The following PRRX2 variants were observed in gnomAD, a reference collection of about 807,000 sequenced individuals.
PRRX2 encodes paired related homeobox 2, also known as paired mesoderm homeobox protein 2.
PRRX2 carries 11 observed loss-of-function variants against 18.0 expected under a neutral mutation model. The ratio of observed to expected loss-of-function variants is 0.61; its 90% CI spans 0.39 to 1.01. PRRX2 has a LOEUF of 1.01. Ranked by LOEUF, PRRX2 falls within the 50% of genes least tolerant of loss-of-function variation. PRRX2 has a pLI of 0.01. For synonymous variants in PRRX2, 177 were observed against 154.8 expected (o/e 1.14, Z -1.06); for missense variants, 387 against 351.0 (o/e 1.10, Z -0.82).
In PRRX2 at chr9:129,709,604, C is replaced by T. The variant is rs1166946421; in HGVS notation, c.260-9627C>T. Among the ~76,000 whole-genome samples the T allele has an allele frequency of 2.0e-5, 3 of 152,228 alleles. No individual in the cohort carries two copies. Among genetic ancestry groups the T allele is most frequent in the Non-Finnish European group, 2.9e-5 (2 of 68,034 alleles). ...CCCCCTGGGGACCTGTCTGACTCCT[C>T]GGGCCCCACTGCGGCTTCCATCATC... On this transcript the variant is annotated intron_variant, in intron 1 of 3. Transcript: ENST00000372469. The surrounding 1 kb of genome is among the most constrained non-coding windows in gnomAD (Gnocchi z 4.2).
intron 2 of PRRX2, among the ~76,000 whole-genome samples, chr9:129,719,723 A>G (rs1171491539): frequency 6.6e-6 from 1 of 152,250 alleles, no homozygotes; most frequent in African/African-American, 2.4e-5. Flanking sequence ...ACAGTGGCTT[A>G]TGCCTATAAT....
intron 1 of PRRX2, among the ~76,000 whole-genome samples, chr9:129,702,123 C>T (rs1190623095): frequency 2.0e-5 from 3 of 149,012 alleles, no homozygotes; most frequent in Admixed American, 6.7e-5. Flanking sequence ...GACTGCCAGG[C>T]GCGGTGGCTC....
chr9:129,706,967 T>A (rs890565414), intron 1 of PRRX2, among the ~76,000 whole-genome samples: 1 of 152,108 alleles, frequency 6.6e-6, no homozygotes, highest in Non-Finnish European at 1.5e-5. Context: ...AAGAAATCAT[T>A]CACTAGGGCC....
chr9:129,694,760 C>CTGTG (rs150079958), intron 1 of PRRX2, among the ~76,000 whole-genome samples: 4 of 151,914 alleles, frequency 2.6e-5, no homozygotes, highest in African/African-American at 9.7e-5. Flanking sequence ...CCTCCAAGCT[C>CTGTG]TGTGTGTGTG....
intron 1 of PRRX2, 41 bp from the exon 2 acceptor site, chr9:129,719,190 T>C: frequency 6.7e-7 from 1 of 1,494,544 alleles, no homozygotes; most frequent in Non-Finnish European, 8.9e-7. Context: ...CTGTAGCCAC[T>C]GGCCGTCCTG....
chr9:129,667,208 G>A (rs941739924), intron 1 of PRRX2, among the ~76,000 whole-genome samples: 22 of 152,352 alleles, frequency 1.4e-4, no homozygotes, highest in East Asian at 9.7e-4. Flanking sequence ...TCATGGCAGC[G>A]GCCACCACTC....
chr9:129,696,105 A>G (rs1200978144), intron 1 of PRRX2, among the ~76,000 whole-genome samples: 1 of 152,104 alleles, frequency 6.6e-6, no homozygotes, highest in Non-Finnish European at 1.5e-5. Flanking sequence ...AAGGTGGGGT[A>G]GGGAGTCACA....
intron 2 of PRRX2, among the ~76,000 whole-genome samples, chr9:129,720,032 A>T (rs1320102624): frequency 6.6e-6 from 1 of 152,154 alleles, no homozygotes; most frequent in Non-Finnish European, 1.5e-5. Context: ...ATTTTCGTAA[A>T]GCGCTTAGAA....
chr9:129,721,365 C>T (rs372887015), intron 3 of PRRX2, among the ~76,000 whole-genome samples: 13 of 152,086 alleles, frequency 8.5e-5, no homozygotes, highest in African/African-American at 1.9e-4. Context: ...ACATGGTCGG[C>T]AGGAGGTGCT....
rs1203634996 is a variant in PRRX2 at position 129,715,620 on chromosome 9, C to A, written c.260-3611C>A. The stretch of plus-strand genomic sequence containing the variant: ...AATAAAAAAGATATTTAGCAGCACT[C>A]CTGGCCTCTTTACCATTAGATCCTA... On this transcript the variant is annotated intron_variant, in intron 1 of 3. Coordinates refer to ENST00000372469, the MANE Select transcript of PRRX2 (RefSeq NM_016307.4). The surrounding 1 kb of genome is among the most constrained non-coding windows in gnomAD (Gnocchi z 4.0). 6.6e-6 allele frequency among the ~76,000 whole-genome samples: 1 copy of A among 151,940 alleles called. No individual in the cohort carries two copies. The highest frequency in any genetic ancestry group is 1.5e-5 in the Non-Finnish European group (1 of 68,008).
intron 1 of PRRX2, among the ~76,000 whole-genome samples, chr9:129,714,251 G>A (rs1832674797): frequency 6.6e-6 from 1 of 151,790 alleles, no homozygotes; most frequent in Admixed American, 6.6e-5. Context: ...GTTGCAGTGA[G>A]CCGAGATCGT....
intron 1 of PRRX2, among the ~76,000 whole-genome samples, chr9:129,687,265 T>C (rs1832309389): frequency 6.6e-6 from 1 of 152,244 alleles, no homozygotes; most frequent in South Asian, 2.1e-4. Flanking sequence ...GCATTCAACA[T>C]GCACAGATGC....
intron 1 of PRRX2, among the ~76,000 whole-genome samples, chr9:129,706,983 C>T (rs1832565175): frequency 6.6e-6 from 1 of 152,154 alleles, no homozygotes; most frequent in Non-Finnish European, 1.5e-5. Context: ...GGGCCTGGTG[C>T]AGTGGCTCAC....
At chr9:129,666,206 C>T in intron 1 of PRRX2, 80 bp downstream of exon 1, 4 of 954,812 alleles carry the variant, frequency 4.2e-6, no homozygotes, top group Non-Finnish European at 5.0e-6. Context: ...GGGGAGCCGG[C>T]GCGGGGCGGG....
intron 1 of PRRX2, among the ~76,000 whole-genome samples, chr9:129,673,820 C>T (rs533131103): frequency 4.5e-4 from 69 of 152,306 alleles, no homozygotes; most frequent in African/African-American, 2.4e-5. Context: ...GGTTAAGTGC[C>T]TTTTGCGAGG....
At chr9:129,716,914 C>A (rs1173672247) in intron 1 of PRRX2, among the ~76,000 whole-genome samples, 1 of 152,052 alleles carries the variant, frequency 6.6e-6, no homozygotes, top group Admixed American at 6.5e-5. Flanking sequence ...TTTGGAAAAA[C>A]AATCGCAATA....
chr9:129,703,131 T>C (rs1832516911), intron 1 of PRRX2, among the ~76,000 whole-genome samples: 1 of 152,230 alleles, frequency 6.6e-6, no homozygotes, highest in Non-Finnish European at 1.5e-5. Flanking sequence ...ACTCTGAGCA[T>C]GCACCCCACT....
intron 1 of PRRX2, among the ~76,000 whole-genome samples, chr9:129,716,080 G>A (rs946074544): frequency 1.3e-5 from 2 of 152,154 alleles, no homozygotes; most frequent in Non-Finnish European, 2.9e-5. Context: ...GGCAAAACAC[G>A]TCGCCCCAAA....
At chr9:129,714,526 G>A (rs1832678486) in intron 1 of PRRX2, among the ~76,000 whole-genome samples, 1 of 152,218 alleles carries the variant, frequency 6.6e-6, no homozygotes, top group South Asian at 2.1e-4. Flanking sequence ...AACCGGCTCT[G>A]GCTGAGCGCA....
Sources: allele counts gnomAD v4.1 joint callset (sites outside exome capture counted in the v4.1 genomes callset), GRCh38; gene constraint gnomAD v4.1.1; non-coding constraint Gnocchi (gnomAD v3.1); transcripts MANE v1.5; gene names NCBI Gene and HGNC (gene_info 2026-07-23, HGNC 2026-07-21).